Variants in BCO2 observed in about 807,000 individuals in gnomAD.
BCO2 encodes the protein beta-carotene oxygenase 2, also known as carotenoid-cleaving dioxygenase, mitochondrial.
A neutral mutation model predicts 65.8 loss-of-function variants in BCO2; 56 were observed. The observed-to-expected ratio is 0.85, with a 90% CI of 0.69 to 1.06. The LOEUF (loss-of-function observed/expected upper bound fraction) is 1.06, where lower values mean the gene tolerates loss of function less well. Ranked by LOEUF, BCO2 falls within the 50% of genes least tolerant of loss-of-function variation. The pLI is 0.00. For synonymous variants in BCO2, 233 were observed against 242.3 expected (o/e 0.96, Z 0.36); for missense variants, 675 against 698.5 (o/e 0.97, Z 0.38).
intron 1 of BCO2, among the ~76,000 whole-genome samples, chr11:112,178,743 T>A (rs1001924881): frequency 6.6e-6 from 1 of 152,236 alleles, no homozygotes; most frequent in Non-Finnish European, 1.5e-5. Context: ...TGTATTTTCA[T>A]GTATATGCCA....
intron 2 of BCO2, among the ~76,000 whole-genome samples, chr11:112,189,403 AATTT>A (rs1867303103): frequency 1.5e-5 from 2 of 136,170 alleles, no homozygotes; most frequent in Non-Finnish European, 1.6e-5. Flanking sequence ...TAGAAAAGGA[AATTT>A]TTTTTTTTTT....
chr11:112,192,473 A>G (rs1157360697), intron 2 of BCO2, among the ~76,000 whole-genome samples: 5 of 152,116 alleles, frequency 3.3e-5, no homozygotes, highest in African/African-American at 4.8e-5. Flanking sequence ...ACAGTTTTCA[A>G]TGTTTAACTA....
At chr11:112,176,257 G>A (rs570417266) in intron 1 of BCO2, 11 of 153,126 alleles carry the variant, frequency 7.2e-5, no homozygotes, top group Non-Finnish European at 1.0e-4. Flanking sequence ...GAAGGAGAGA[G>A]GAGACAAACA....
rs746823392 is a variant in BCO2, at chr11:112,199,722, G to T, written c.760G>T (p.Val254Phe). ...AGGTTTCTCCTATAAGGTTATTCGG[G>T]TTCCTCCAGAGAAGGTGGACCTTGG... ...PYGFSYKVIR[V>F]PPEKVDLGET... is the part of the protein sequence containing the mutation. The change falls in exon 6 of 12, where the codon GTT becomes TTT. Residue 254 changes from valine to phenylalanine, a missense_variant. By Grantham distance (50) the Val-to-Phe change is conservative. Coordinates refer to ENST00000357685, the MANE Select transcript of BCO2 (RefSeq NM_031938.7). The T allele has an allele frequency of 1.9e-6, 3 of 1,613,678 alleles. No individual in the cohort carries two copies. The highest frequency in any genetic ancestry group is 1.1e-5 in the South Asian group (1 of 91,078).
chr11:112,175,740 G>A, intron 1 of BCO2, 51 bp downstream of exon 1: 1 of 1,495,570 alleles, frequency 6.7e-7, no homozygotes, highest in Non-Finnish European at 9.3e-7. Flanking sequence ...TTGCCAGTCT[G>A]CGCTTAGAAT....
In BCO2 at chr11:112,184,860, C is replaced by T. The variant is rs1191416745; in HGVS notation, c.293+5378C>T. 2.0e-5 allele frequency among the ~76,000 whole-genome samples: 3 copies of T among 152,074 alleles called. No homozygotes were observed. The East Asian group carries it at 5.8e-4, about 29-fold the overall frequency. On this transcript the variant is annotated intron_variant, in intron 2 of 11. Transcript: ENST00000357685. Reference sequence around the variant, plus strand: ...GTTCTGAATTCTACAGACTCATCAACATGAGGCAAGGAATCATTGAAAGCC... The same window carrying T: ...GTTCTGAATTCTACAGACTCATCAATATGAGGCAAGGAATCATTGAAAGCC...
rs980743326 is a variant in BCO2, at chr11:112,218,693, C to G, written c.*819C>G. On this transcript the variant is annotated 3_prime_UTR_variant, in exon 12 of 12. Coordinates refer to ENST00000357685, the MANE Select transcript of BCO2 (RefSeq NM_031938.7). ...AAGAATCTTAAGTCAAGGATGTCAT[C>G]GAAGAGTATTTCAAATGTAAGAAAT... The G allele has an allele frequency of 5.7e-6, 1 of 174,294 alleles. No individual in the cohort carries two copies. Among genetic ancestry groups the G allele is most frequent in the African/African-American group, 2.4e-5 (1 of 41,842 alleles). The allele number at this position is 174,294 out of a possible 1,614,324, so 10.8% of individuals were successfully genotyped here.
Position 112,200,584 on chromosome 11 carries a change from C to A in BCO2, c.866-29C>A, listed in dbSNP as rs775029036. On this transcript the variant is annotated intron_variant, in intron 6 of 11. Transcript: ENST00000357685. Reference sequence around the variant, plus strand: ...CAGACAACTCTAGTTTGCCAAATAACATTTTTATTGTTTGCTGGAACCTTT... The same window carrying A: ...CAGACAACTCTAGTTTGCCAAATAAAATTTTTATTGTTTGCTGGAACCTTT... 9 of 1,579,588 alleles carry A rather than the reference C, an allele frequency of 5.7e-6. No individual in the cohort carries two copies. In the South Asian group the frequency reaches 1.0e-4, roughly 18 times the overall value.
chr11:112,206,530 G>A (rs1255446607), intron 8 of BCO2, among the ~76,000 whole-genome samples: 2 of 152,180 alleles, frequency 1.3e-5, no homozygotes, highest in African/African-American at 2.4e-5. Context: ...AGGCCAAGGT[G>A]GGAGGATTGC....
At chr11:112,190,856 C>CAAAAA (rs945768260) in intron 2 of BCO2, among the ~76,000 whole-genome samples, 84 of 60,506 alleles carry the variant, frequency 1.4e-3, no homozygotes, top group East Asian at 3.1e-3. Flanking sequence ...GACTCTGTCT[C>CAAAAA]AAAAAAAAAA....
intron 8 of BCO2, among the ~76,000 whole-genome samples, chr11:112,207,534 C>T (rs1859380694): frequency 6.6e-6 from 1 of 152,176 alleles, no homozygotes; most frequent in Non-Finnish European, 1.5e-5. Context: ...ATTGTTTCTA[C>T]TTATGGTTAC....
Position 112,214,751 on chromosome 11 carries a change from A to ATC in BCO2, c.1333-7_1333-6dup, listed in dbSNP as rs1566801832. The stretch of plus-strand genomic sequence containing the variant: ...AGCAACCACTACAAATCCTTTTGAA[A>ATC]TCTCTTTTAGATCTGGTGCTCTCAT... On this transcript the variant is annotated splice_polypyrimidine_tract_variant and intron_variant, in intron 9 of 11. Transcript: ENST00000357685. 6.2e-7 allele frequency: 1 copy of ATC among 1,608,464 alleles called. No individual in the cohort carries two copies. The highest frequency in any genetic ancestry group is 2.2e-5 in the East Asian group (1 of 44,832).
chr11:112,175,836 C>T, intron 1 of BCO2, 147 bp downstream of exon 1: 1 of 607,082 alleles, frequency 1.6e-6, no homozygotes, highest in Non-Finnish European at 2.9e-6. Flanking sequence ...TCCGCAGAGT[C>T]CTGGAAGTTA....
Position 112,216,256 on chromosome 11 carries a change from GT to G in BCO2, c.1557del (p.Phe519LeufsTer19). 1.9e-6 allele frequency: 3 copies of G among 1,614,148 alleles called. No individual in the cohort carries two copies. The highest frequency in any genetic ancestry group is 2.5e-6 in the Non-Finnish European group (3 of 1,180,016). On this transcript the variant is annotated frameshift_variant, in exon 11 of 12. Coordinates refer to ENST00000357685, the MANE Select transcript of BCO2 (RefSeq NM_031938.7). LOFTEE classifies it high-confidence loss of function. ...AGATGGCTTTTATCCCTCAGAACCT[GT>G]TTTTGTTCCAGCACCAGGAACCAAT... ...REDGFYPSEP[V>X]FVPAPGTNEE...
At chr11:112,213,623 A>C in intron 8 of BCO2, 101 bp from the exon 9 acceptor site, 2 of 1,188,200 alleles carry the variant, frequency 1.7e-6, no homozygotes, top group Non-Finnish European at 2.4e-6. Context: ...TCATTTATTT[A>C]AATATTTAGG....
rs368147257 is a variant in BCO2, at chr11:112,217,889, G to A, written c.*15G>A. 7.7e-6 allele frequency: 12 copies of A among 1,550,356 alleles called. No homozygotes were observed. The African/African-American group carries it at 1.7e-4, about 21-fold the overall frequency. ...TACCCATCTGATGGGACAACCACAA[G>A]GTCTGGAAACTAGGTTTAAAATAAG... is the stretch of plus-strand genomic sequence containing the variant. On this transcript the variant is annotated 3_prime_UTR_variant, in exon 12 of 12. Coordinates refer to ENST00000357685, the MANE Select transcript of BCO2 (RefSeq NM_031938.7).
At chr11:112,194,582 A>T in intron 4 of BCO2, 71 bp from the exon 5 acceptor site, 4 of 893,444 alleles carry the variant, frequency 4.5e-6, no homozygotes, top group Non-Finnish European at 7.2e-6. Context: ...AAAACATTAG[A>T]TATTTCTACT....
Position 112,202,041 on chromosome 11 carries a change from T to C in BCO2, c.1045T>C (p.Tyr349His). Residue 349 changes from tyrosine to histidine, a missense_variant, in exon 8 of 12, where the codon TAC (tyrosine) becomes CAC (histidine). Transcript: ENST00000357685. ...RTGQLLPGRY[Y>H]SKPFVTFHQI... The stretch of plus-strand genomic sequence containing the variant: ...CCTGCAGCTCCTTCCAGGGAGATAC[T>C]ACAGCAAACCTTTTGTTACATTTCA... 1.9e-6 allele frequency: 3 copies of C among 1,600,908 alleles called. No individual in the cohort carries two copies. The highest frequency in any genetic ancestry group is 2.6e-6 in the Non-Finnish European group (3 of 1,174,944).
intron 2 of BCO2, among the ~76,000 whole-genome samples, chr11:112,188,851 G>A (rs534539186): frequency 6.6e-6 from 1 of 151,834 alleles, no homozygotes; most frequent in South Asian, 2.1e-4. Flanking sequence ...ACAATGCCTG[G>A]CAGATAGTAG....
Sources: gnomAD v4.1 joint callset for allele counts (sites outside exome capture counted in the v4.1 genomes callset) on GRCh38, gnomAD v4.1.1 for gene constraint, MANE v1.5 for transcripts, NCBI Gene and HGNC (gene_info 2026-07-23, HGNC 2026-07-21) for gene names.